PLCB2: variants seen among roughly 807,000 people sequenced by gnomAD.
PLCB2 encodes phospholipase C beta 2.
In PLCB2, 115 loss-of-function variants were observed where a neutral mutation model predicts 141.7. The ratio of observed to expected loss-of-function variants is 0.81; its 90% CI spans 0.70 to 0.95. PLCB2 has a LOEUF of 0.95. Ranked by LOEUF, PLCB2 falls within the 40% of genes least tolerant of loss-of-function variation. The pLI, the probability that PLCB2 is intolerant of heterozygous loss-of-function variation, is 0.00. For synonymous variants in PLCB2, 603 were observed against 595.6 expected (o/e 1.01, Z -0.18); for missense variants, 1,403 against 1,541.1 (o/e 0.91, Z 1.50).
rs752714343 is a variant in PLCB2 at position 40,291,959 on chromosome 15, A to T, written c.2527-35T>A. ...GAGAGCAGGTCAGGAAGGTGGCTTG[A>T]CAGCCCTCTCTCCCCGAGCCTGGGA... is the stretch of plus-strand genomic sequence containing the variant. On this transcript the variant is annotated intron_variant, in intron 23 of 31. Coordinates refer to ENST00000260402, the MANE Select transcript of PLCB2 (RefSeq NM_004573.3). 19 of 1,611,512 alleles carry T rather than the reference A, an allele frequency of 1.2e-5. No individual in the cohort carries two copies. The South Asian group carries it at 2.1e-4, about 18-fold the overall frequency.
At chr15:40,287,776 T>G (rs2039640117), downstream of PLCB2, 1 of 215,632 alleles carries the variant, frequency 4.6e-6, no homozygotes, top group South Asian at 1.7e-4. Context: ...TTCACTGGAC[T>G]CTGGAAAGGA....
chr15:40,296,936 A>G (rs1178373815), intron 13 of PLCB2, 28 bp from the exon 14 acceptor site: 1 of 1,611,516 alleles, frequency 6.2e-7, no homozygotes, highest in Admixed American at 1.7e-5. Context: ...GGTCAGCACC[A>G]TCTTCTCACC....
chr15:40,292,080 A>G lies in PLCB2; in HGVS notation c.2510T>C (p.Met837Thr), dbSNP rs2039969231. ...DTKSVKLKEA[M>T]GGLPEKPFPL... The stretch of plus-strand genomic sequence containing the variant: ...AACACAGACCTCAGGCAGACCTCCC[A>G]TGGCCTCCTTGAGCTTCACAGACTT... Residue 837 changes from methionine to threonine, a missense_variant, in exon 23 of 32, where the codon ATG becomes ACG. Met to Thr is a moderately conservative substitution (Grantham distance 81). Around this residue, in one of 4 missense-constraint regions of PLCB2, gnomAD observed 975 missense variants for 1,141.1 expected, o/e 0.85. Coordinates refer to ENST00000260402, the MANE Select transcript of PLCB2 (RefSeq NM_004573.3). 6.2e-7 allele frequency: 1 copy of G among 1,614,126 alleles called. No individual in the cohort carries two copies. The highest frequency in any genetic ancestry group is 8.5e-7 in the Non-Finnish European group (1 of 1,179,966).
chr15:40,286,474 C>A (rs868410561), downstream of PLCB2, among the ~76,000 whole-genome samples: 2 of 152,278 alleles, frequency 1.3e-5, no homozygotes, highest in South Asian at 2.1e-4. Context: ...GAGGGCTGCT[C>A]AGGGGATGCA....
At chr15:40,302,393 C>T (rs757989413) in intron 4 of PLCB2, 44 bp from the exon 5 acceptor site, 50 of 1,611,082 alleles carry the variant, frequency 3.1e-5, no homozygotes, top group Non-Finnish European at 3.9e-5. Context: ...TGAGCACCCC[C>T]GCCCAGGCCT....
In PLCB2 at chr15:40,297,919, G is replaced by T; in HGVS notation, c.1196C>A (p.Ser399Tyr). Residue 399 changes from serine (S) to tyrosine (Y), a missense_variant, in exon 12 of 32, where the codon TCC (serine) becomes TAC (tyrosine). By Grantham distance (144) the Ser-to-Tyr change is moderately radical. This residue lies in a region of PLCB2 where 975 missense variants were observed against 1,141.1 expected (regional missense o/e 0.85). Transcript: ENST00000260402. The surrounding 1 kb of genome is among the most constrained non-coding windows in gnomAD (Gnocchi z 4.2). ...EAIAESAFKTSPYPIILSFEN... is the reference protein window; with the variant it reads ...EAIAESAFKTYPYPIILSFEN... ...AAACGACAGGATGATGGGATAGGGG[G>T]AGGTCTTAAAGGCGCTTTCTGCAAT... 6.2e-7 allele frequency: 1 copy of T among 1,613,816 alleles called. No individual in the cohort carries two copies. The highest frequency in any genetic ancestry group is 1.7e-4 in the Middle Eastern group (1 of 6,060).
intron 21 of PLCB2, 23 bp downstream of exon 21, chr15:40,292,903 C>G (rs1248706604): frequency 2.7e-6 from 4 of 1,478,826 alleles, no homozygotes; most frequent in Middle Eastern, 1.8e-4. Flanking sequence ...GATCTTGGAA[C>G]AGTGAAGGAC....
At position 40,296,643 on chromosome 15, in the gene PLCB2, T is replaced by C. The variant is rs2040235432; in HGVS notation, c.1487-9A>G. Reference sequence around the variant, plus strand: ...TTCCTCGCCAGCCCACACTGCCACATACAGCTCTGTCGGCACTGGCTCCTG... The same window carrying C: ...TTCCTCGCCAGCCCACACTGCCACACACAGCTCTGTCGGCACTGGCTCCTG... On this transcript the variant is annotated splice_polypyrimidine_tract_variant and intron_variant, in intron 14 of 31. Transcript: ENST00000260402. 1.2e-6 allele frequency: 2 copies of C among 1,613,088 alleles called. No homozygotes were observed. The highest frequency in any genetic ancestry group is 1.7e-6 in the Non-Finnish European group (2 of 1,179,792).
At chr15:40,302,105 T>C (rs758764968) in intron 6 of PLCB2, 31 bp downstream of exon 6, 4 of 1,612,222 alleles carry the variant, frequency 2.5e-6, no homozygotes, top group South Asian at 1.1e-5. Context: ...GGGGAGCCCC[T>C]GGAAGCCTGG....
At chr15:40,293,457 G>A (rs951185924) in intron 20 of PLCB2, 103 bp downstream of exon 20, 12 of 1,085,818 alleles carry the variant, frequency 1.1e-5, no homozygotes, top group Admixed American at 2.1e-5. Flanking sequence ...GATGGGAAGA[G>A]GAGGAGGAGG....
At chr15:40,296,931 G>C in intron 13 of PLCB2, 23 bp from the exon 14 acceptor site, 2 of 1,612,372 alleles carry the variant, frequency 1.2e-6, no homozygotes, top group Non-Finnish European at 1.7e-6. Flanking sequence ...GAGCAGGTCA[G>C]CACCATCTTC....
At chr15:40,293,858 C>T in intron 19 of PLCB2, 134 bp from the exon 20 acceptor site, 1 of 851,098 alleles carries the variant, frequency 1.2e-6, no homozygotes, top group Admixed American at 2.5e-5. Context: ...CAGCTCTGGC[C>T]ATGAGTAGAG....
rs2039685706 is a variant in PLCB2 at position 40,288,810 on chromosome 15, T to C, written c.3463A>G (p.Lys1155Glu). ...TCGCAGGCCCTCTCAGGCTTGTCCT[T>C]GGCCTCGGAGGGAAAGCAGGTCCTG... ...CLRTCFPSEAKDKPERACECP... is the reference protein window; with the variant it reads ...CLRTCFPSEAEDKPERACECP... The change falls in exon 32 of 32, where the codon AAG (lysine) becomes GAG (glutamate). Residue 1155 changes from lysine (K) to glutamate (E), a missense_variant. Lys to Glu is a moderately conservative substitution (Grantham distance 56, BLOSUM62 1). Coordinates refer to ENST00000260402, the MANE Select transcript of PLCB2 (RefSeq NM_004573.3). 6.2e-7 allele frequency: 1 copy of C among 1,613,848 alleles called. No homozygotes were observed. Among genetic ancestry groups the C allele is most frequent in the African/African-American group, 1.3e-5 (1 of 74,928 alleles).
intron 6 of PLCB2, 38 bp from the exon 7 acceptor site, chr15:40,302,070 G>A (rs371469571): frequency 2.5e-6 from 4 of 1,613,574 alleles, no homozygotes; most frequent in Middle Eastern, 1.6e-4. Context: ...ACAGAGAGGA[G>A]TCAGGCCTGA....
At position 40,288,464 on chromosome 15, in the gene PLCB2, C is replaced by T. The variant is rs1457309135; in HGVS notation, c.*251G>A. ...CCCTCAACAAATATATGACACTTAT[C>T]TAGAGATGGAGGGGGAGGTAGGAAG... On this transcript the variant is annotated 3_prime_UTR_variant, in exon 32 of 32. Coordinates refer to ENST00000260402, the MANE Select transcript of PLCB2 (RefSeq NM_004573.3). The T allele has an allele frequency of 8.0e-7, 1 of 1,257,522 alleles. No homozygotes were observed. The highest frequency in any genetic ancestry group is 3.3e-5 in the South Asian group (1 of 30,052). 77.9% of individuals were successfully genotyped at this position (1,257,522 alleles called of 1,614,324 possible).
At chr15:40,300,984 G>C (rs1413593013) in intron 7 of PLCB2, 1 of 153,044 alleles carries the variant, frequency 6.5e-6, no homozygotes, top group Non-Finnish European at 1.5e-5. Context: ...ACTTAGCCAA[G>C]GGAGGAGCTC....
rs151081953 is a variant in PLCB2 at position 40,295,348 on chromosome 15, C to T, written c.1697-63G>A. On this transcript the variant is annotated intron_variant, in intron 16 of 31. Coordinates refer to ENST00000260402, the MANE Select transcript of PLCB2 (RefSeq NM_004573.3). ...GGCTGTCCCCTCCCTCAGTCTTGGC[C>T]TCCCCTTTGGGGCAGCTCCCTCTGG... The T allele has an allele frequency of 1.2e-3, 1,423 of 1,178,130 alleles. 27 individuals are homozygous for T. The East Asian group carries it at 0.031, about 25-fold the overall frequency. 73.0% of individuals were successfully genotyped at this position (1,178,130 alleles called of 1,614,324 possible).
intron 18 of PLCB2, among the ~76,000 whole-genome samples, 182 bp downstream of exon 18, chr15:40,294,754 C>T (rs1028636613): frequency 6.6e-6 from 1 of 152,168 alleles, no homozygotes; most frequent in Non-Finnish European, 1.5e-5. Context: ...ATCATGTATG[C>T]GCAGGCACAT....
chr15:40,298,036 G>A, intron 11 of PLCB2, 77 bp from the exon 12 acceptor site: 1 of 1,255,196 alleles, frequency 8.0e-7, no homozygotes, highest in Non-Finnish European at 1.1e-6. Context: ...TTTCCCCCCT[G>A]CCTAGTTTCA....
Sources: allele counts gnomAD v4.1 joint callset (sites outside exome capture counted in the v4.1 genomes callset), GRCh38; gene constraint gnomAD v4.1.1; regional missense constraint gnomAD v4.1.1; non-coding constraint Gnocchi (gnomAD v3.1); transcripts MANE v1.5; gene names NCBI Gene and HGNC (gene_info 2026-07-23, HGNC 2026-07-21).